GPATCH2: variants seen among roughly 807,000 people sequenced by gnomAD.
GPATCH2 encodes G-patch domain containing 2.
Under a neutral mutation model 58.0 loss-of-function variants are expected in GPATCH2, and 51 were observed. The ratio of observed to expected loss-of-function variants is 0.88; its 90% CI spans 0.70 to 1.11. The LOEUF is 1.11. Ranked by LOEUF, GPATCH2 falls within the 50% of genes most tolerant of loss-of-function variation. GPATCH2 has a pLI of 0.00. For missense variants in GPATCH2, 625 were observed against 652.2 expected, an observed-to-expected ratio of 0.96 and a Z score of 0.45; for synonymous variants, 222 against 218.5, an observed-to-expected ratio of 1.02 and a Z score of -0.14.
chr1:217,516,653 A>G (rs1663167541), intron 5 of GPATCH2, among the ~76,000 whole-genome samples: 1 of 152,184 alleles, frequency 6.6e-6, no homozygotes, highest in Non-Finnish European at 1.5e-5. Flanking sequence ...GGTGGACCTG[A>G]CACTTTTATT....
rs558074021 is a variant in GPATCH2, at chr1:217,492,262, C to T, written c.1207-512G>A. 2.2e-4 allele frequency among the ~76,000 whole-genome samples: 34 copies of T among 152,114 alleles called. No individual in the cohort carries two copies. In the South Asian group the frequency reaches 4.8e-3, roughly 21 times the overall value. ...ACTGGCCTAACATGGTAAAGAAACA[C>T]GCTTAAAACATTCTTCTTCAAAGAA... is the stretch of plus-strand genomic sequence containing the variant. On this transcript the variant is annotated intron_variant, in intron 7 of 9. Transcript: ENST00000366935.
intron 6 of GPATCH2, among the ~76,000 whole-genome samples, chr1:217,513,980 A>G (rs1204309589): frequency 2.0e-5 from 3 of 151,760 alleles, no homozygotes; most frequent in African/African-American, 7.2e-5. Context: ...ATGCGCCACC[A>G]CGACCAGCTA....
chr1:217,623,939 AT>A (rs1669325625), intron 1 of GPATCH2, among the ~76,000 whole-genome samples: 1 of 152,154 alleles, frequency 6.6e-6, no homozygotes, highest in Middle Eastern at 3.4e-3. Flanking sequence ...CAAAAACCAT[AT>A]TTTAAAAAAC....
chr1:217,520,516 G>A (rs1418949214), intron 5 of GPATCH2, among the ~76,000 whole-genome samples: 1 of 152,088 alleles, frequency 6.6e-6, no homozygotes, highest in African/African-American at 2.4e-5. Flanking sequence ...AGCTCACACT[G>A]TATGACTTTT....
At chr1:217,496,541 C>T (rs1171049075) in intron 7 of GPATCH2, among the ~76,000 whole-genome samples, 1 of 152,124 alleles carries the variant, frequency 6.6e-6, no homozygotes, top group Non-Finnish European at 1.5e-5. Context: ...AAAGTGCTGT[C>T]TAGTGTTCCT....
In GPATCH2 at chr1:217,429,989, T is replaced by C. The variant is rs1453247584; in HGVS notation, c.*1156A>G. 6.6e-6 allele frequency: 1 copy of C among 152,146 alleles called. No individual in the cohort carries two copies. The highest frequency in any genetic ancestry group is 1.9e-4 in the East Asian group (1 of 5,202). The allele number at this position is 152,146 out of a possible 1,614,324, so 9.4% of individuals were successfully genotyped here. ...AATAATCATCATCATAATAAGTTGT[T>C]AATAATGAAGATAATAAATAAAGAT... On this transcript the variant is annotated 3_prime_UTR_variant, in exon 10 of 10. Transcript: ENST00000366935.
chr1:217,579,087 G>C (rs937422654), intron 5 of GPATCH2, among the ~76,000 whole-genome samples: 1 of 150,780 alleles, frequency 6.6e-6, no homozygotes, highest in Non-Finnish European at 1.5e-5. Flanking sequence ...AATGAGCTGA[G>C]GTAATTTTAC....
intron 5 of GPATCH2, among the ~76,000 whole-genome samples, chr1:217,592,510 C>G (rs1667638164): frequency 6.6e-6 from 1 of 151,674 alleles, no homozygotes; most frequent in African/African-American, 2.4e-5. Flanking sequence ...ATAACAAGAA[C>G]CAGTGTTCAC....
intron 5 of GPATCH2, among the ~76,000 whole-genome samples, chr1:217,521,263 G>A (rs201081171): frequency 1.4e-5 from 2 of 147,506 alleles, no homozygotes; most frequent in Non-Finnish European, 3.0e-5. Context: ...TGAGGTGAGG[G>A]CACATGCCCT....
At chr1:217,572,739 C>T (rs1008211258) in intron 5 of GPATCH2, among the ~76,000 whole-genome samples, 16 of 152,118 alleles carry the variant, frequency 1.1e-4, no homozygotes, top group Admixed American at 3.9e-4. Context: ...GGGTTCCACC[C>T]CCAGAGGTTA....
At chr1:217,563,882 T>A (rs1259322225) in intron 5 of GPATCH2, among the ~76,000 whole-genome samples, 1 of 151,530 alleles carries the variant, frequency 6.6e-6, no homozygotes, top group Non-Finnish European at 1.5e-5. Context: ...CCGTCTCTAC[T>A]CAAAATACAA....
intron 5 of GPATCH2, among the ~76,000 whole-genome samples, chr1:217,566,757 TA>T (rs1435237526): frequency 1.3e-5 from 2 of 152,356 alleles, no homozygotes; most frequent in African/African-American, 4.8e-5. Context: ...AAAAGTATGT[TA>T]AAATATGCAG....
At chr1:217,599,495 C>T (rs2102788380) in intron 5 of GPATCH2, among the ~76,000 whole-genome samples, 1 of 152,270 alleles carries the variant, frequency 6.6e-6, no homozygotes, top group Non-Finnish European at 1.5e-5. Flanking sequence ...ACAAAGATAA[C>T]ACATGAAACC....
chr1:217,464,414 A>C (rs1265052895), intron 8 of GPATCH2, among the ~76,000 whole-genome samples: 2 of 152,164 alleles, frequency 1.3e-5, no homozygotes, highest in Non-Finnish European at 2.9e-5. Context: ...TCTACCACTC[A>C]ATGGAAAGTA....
chr1:217,459,111 T>A (rs191186251), intron 8 of GPATCH2, among the ~76,000 whole-genome samples: 105 of 152,350 alleles, frequency 6.9e-4, no homozygotes, highest in East Asian at 4.4e-3. Flanking sequence ...ATGAATTTTT[T>A]AAAATAATAA....
intron 5 of GPATCH2, among the ~76,000 whole-genome samples, chr1:217,586,909 C>G (rs750624930): frequency 1.3e-5 from 2 of 152,104 alleles, no homozygotes; most frequent in South Asian, 2.1e-4. Context: ...GCCGCATACA[C>G]TGTACTATAA....
intron 1 of GPATCH2, among the ~76,000 whole-genome samples, chr1:217,622,793 C>A (rs1343029996): frequency 1.3e-5 from 2 of 152,232 alleles, no homozygotes; most frequent in African/African-American, 4.8e-5. Flanking sequence ...GATCCACCCG[C>A]CACGCTTCTC....
At chr1:217,523,011 A>G (rs1315321146) in intron 5 of GPATCH2, among the ~76,000 whole-genome samples, 1 of 151,842 alleles carries the variant, frequency 6.6e-6, no homozygotes, top group Admixed American at 6.5e-5. Context: ...GAAACATAGT[A>G]ATCCAAAGCA....
chr1:217,572,000 A>AAGGAAG (rs1666583220), intron 5 of GPATCH2, among the ~76,000 whole-genome samples: 3 of 135,270 alleles, frequency 2.2e-5, no homozygotes, highest in Admixed American at 7.6e-5. Context: ...AAGGAAGGAA[A>AAGGAAG]GAAGGAAGGA....
Sources: allele counts gnomAD v4.1 joint callset (sites outside exome capture counted in the v4.1 genomes callset), GRCh38; gene constraint gnomAD v4.1.1; transcripts MANE v1.5; gene names NCBI Gene and HGNC (gene_info 2026-07-23, HGNC 2026-07-21).